Variants in ARFGEF1 observed in about 807,000 individuals in gnomAD.
The protein encoded by ARFGEF1 is ARF guanine nucleotide exchange factor 1, also known as brefeldin A-inhibited guanine nucleotide-exchange protein 1.
Under a neutral mutation model 231.0 loss-of-function variants are expected in ARFGEF1, and 42 were observed. That is an observed-to-expected ratio of 0.18 (90% CI 0.14 to 0.24). The LOEUF is 0.24. ARFGEF1 is among the 10% of genes least tolerant of loss of function. ARFGEF1 has a pLI of 1.00. For missense variants in ARFGEF1, 1,345 were observed against 2,192.0 expected (o/e 0.61, Z 7.72); for synonymous variants, 710 against 732.3 (o/e 0.97, Z 0.49).
chr8:67,307,612 AG>A (rs1273958270), intron 1 of ARFGEF1, among the ~76,000 whole-genome samples: 2 of 152,226 alleles, frequency 1.3e-5, no homozygotes, highest in Admixed American at 1.3e-4. Context: ...CTGGAGGGGT[AG>A]GAGTGAAGAA....
chr8:67,285,324 G>C (rs1805708758), intron 7 of ARFGEF1, among the ~76,000 whole-genome samples: 1 of 151,906 alleles, frequency 6.6e-6, no homozygotes, highest in African/African-American at 2.4e-5. Flanking sequence ...AGCCCAGCCT[G>C]GACAACACAA....
At chr8:67,235,813 G>GA (rs919955950) in intron 22 of ARFGEF1, among the ~76,000 whole-genome samples, 13 of 151,366 alleles carry the variant, frequency 8.6e-5, no homozygotes, top group East Asian at 3.9e-4. Flanking sequence ...TAAAAAAATA[G>GA]AAAAAAAAGA....
intron 36 of ARFGEF1, among the ~76,000 whole-genome samples, chr8:67,202,519 G>A (rs538672976): frequency 6.6e-6 from 1 of 152,232 alleles, no homozygotes; most frequent in African/African-American, 2.4e-5. Context: ...TCAGCCACCC[G>A]AGTAGCCGGA....
chr8:67,213,631 G>A (rs977619781), intron 33 of ARFGEF1, among the ~76,000 whole-genome samples: 4 of 152,196 alleles, frequency 2.6e-5, no homozygotes, highest in African/African-American at 9.7e-5. Flanking sequence ...TATTCCAGGT[G>A]TTCAGCTGAA....
chr8:67,251,207 T>C (rs939218511), intron 19 of ARFGEF1, 92 bp downstream of exon 19: 2 of 1,197,174 alleles, frequency 1.7e-6, no homozygotes, highest in Admixed American at 3.1e-5. Flanking sequence ...TAATGTGTTA[T>C]ATCACTGTAT....
chr8:67,260,218 T>C (rs975809715), intron 14 of ARFGEF1, among the ~76,000 whole-genome samples: 1 of 152,252 alleles, frequency 6.6e-6, no homozygotes, highest in African/African-American at 2.4e-5. Context: ...AGTGGGAAAT[T>C]AGACTATGAG....
intron 22 of ARFGEF1, among the ~76,000 whole-genome samples, chr8:67,236,361 A>T (rs1209567337): frequency 1.9e-4 from 8 of 42,058 alleles, no homozygotes; most frequent in Non-Finnish European, 2.1e-4. Context: ...AAAAAAAAAA[A>T]AAAAATATAT....
chr8:67,317,461 C>T (rs1563912227), intron 1 of ARFGEF1, among the ~76,000 whole-genome samples: 1 of 152,110 alleles, frequency 6.6e-6, no homozygotes, highest in Middle Eastern at 3.4e-3. Context: ...CTGCACTGAA[C>T]AAAGGCAGTA....
intron 1 of ARFGEF1, among the ~76,000 whole-genome samples, chr8:67,329,353 C>A (rs1300266134): frequency 6.6e-6 from 1 of 151,906 alleles, no homozygotes; most frequent in Middle Eastern, 3.4e-3. Context: ...CACGGTGAAA[C>A]CCCGTCTCTA....
In ARFGEF1 at chr8:67,249,506, C is replaced by A. The variant is rs765344426; in HGVS notation, c.2850+1793G>T. Among the ~76,000 whole-genome samples, 2 of 150,220 alleles carry A rather than the reference C, an allele frequency of 1.3e-5. 1 individual carries two copies. On this transcript the variant is annotated intron_variant, in intron 19 of 38. Coordinates refer to ENST00000262215, the MANE Select transcript of ARFGEF1 (RefSeq NM_006421.5). ...ATAGGCAGATATACAGATAGACAGA[C>A]GGATAGATAAATCTACAGATATACT...
intron 2 of ARFGEF1, 98 bp from the exon 3 acceptor site, chr8:67,301,478 T>G (rs1307616474): frequency 1.5e-6 from 2 of 1,309,640 alleles, no homozygotes; most frequent in African/African-American, 3.0e-5. Flanking sequence ...AAAAGGAATC[T>G]TGCTAAACCA....
At chr8:67,332,687 T>C (rs1220750104) in intron 1 of ARFGEF1, among the ~76,000 whole-genome samples, 1 of 152,234 alleles carries the variant, frequency 6.6e-6, no homozygotes, top group Admixed American at 6.5e-5. Flanking sequence ...AGTGCCTTTC[T>C]TTCTACAGTT....
At chr8:67,330,757 C>G (rs924810188) in intron 1 of ARFGEF1, among the ~76,000 whole-genome samples, 11 of 152,244 alleles carry the variant, frequency 7.2e-5, no homozygotes, top group Non-Finnish European at 1.2e-4. Flanking sequence ...CAAAGCACAT[C>G]AGAAATTACA....
chr8:67,295,002 C>G (rs150982503), intron 5 of ARFGEF1, among the ~76,000 whole-genome samples: 1 of 152,162 alleles, frequency 6.6e-6, no homozygotes, highest in South Asian at 2.1e-4. Context: ...AGGATGGGAG[C>G]TGGTCACAAG....
intron 34 of ARFGEF1, among the ~76,000 whole-genome samples, chr8:67,206,482 A>G (rs1181543158): frequency 1.3e-5 from 2 of 151,984 alleles, no homozygotes; most frequent in East Asian, 1.9e-4. Flanking sequence ...GCAAAGTAAC[A>G]AAAGTGCCAC....
At chr8:67,195,567 C>G (rs368550470), downstream of ARFGEF1, 43 of 1,614,118 alleles carry the variant, frequency 2.7e-5, no homozygotes, top group Middle Eastern at 6.6e-4. Context: ...TTTCACTTGG[C>G]AGGGCCTGTC....
rs914514650 is a variant in ARFGEF1 at position 67,218,066 on chromosome 8, C to T, written c.4411G>A (p.Glu1471Lys). 6.2e-7 allele frequency: 1 copy of T among 1,608,554 alleles called. No homozygotes were observed. The highest frequency in any genetic ancestry group is 8.5e-7 in the Non-Finnish European group (1 of 1,177,212). ...TCCAAAAGTACATCACTGAGTACTTCTAAATACTGAGTGAATACATCACAG... is the reference window on the plus strand; with the variant it reads ...TCCAAAAGTACATCACTGAGTACTTTTAAATACTGAGTGAATACATCACAG... ...AICDVFTQYLEVLSDVLLDDI... is the reference protein window; with the variant it reads ...AICDVFTQYLKVLSDVLLDDI... The change falls in exon 31 of 39, where the codon GAA (glutamate) becomes AAA (lysine). Residue 1471 changes from glutamate (E) to lysine (K), a missense_variant. This residue lies in a region of ARFGEF1 where 54 missense variants were observed against 86.5 expected (regional missense o/e 0.62). Transcript: ENST00000262215.
intron 5 of ARFGEF1, among the ~76,000 whole-genome samples, chr8:67,294,463 G>C (rs1173248135): frequency 6.6e-6 from 1 of 152,004 alleles, no homozygotes; most frequent in African/African-American, 2.4e-5. Context: ...TAAGGCTAAA[G>C]ACAAAAAAAC....
chr8:67,175,370 C>A (rs1831355166), downstream of ARFGEF1: 1 of 1,614,082 alleles, frequency 6.2e-7, no homozygotes, highest in South Asian at 1.1e-5. Flanking sequence ...AGAGATTCAG[C>A]AGCAAGCCCT....
Sources: gnomAD v4.1 joint callset for allele counts (sites outside exome capture counted in the v4.1 genomes callset) on GRCh38, gnomAD v4.1.1 for gene constraint, gnomAD v4.1.1 regional missense constraint, MANE v1.5 for transcripts, NCBI Gene and HGNC (gene_info 2026-07-23, HGNC 2026-07-21) for gene names.